CPNE9: variants seen among roughly 807,000 people sequenced by gnomAD.
CPNE9 encodes copine family member 9.
CPNE9 carries 59 observed loss-of-function variants against 83.0 expected under a neutral mutation model. The ratio of observed to expected loss-of-function variants is 0.71; its 90% CI spans 0.58 to 0.88. The LOEUF is 0.88. Among genes scored for constraint, CPNE9 ranks in the 40% least tolerant of loss-of-function variants. CPNE9 has a pLI of 0.00. For synonymous variants in CPNE9, 256 were observed against 273.4 expected, an observed-to-expected ratio of 0.94 and a Z score of 0.63; for missense variants, 619 against 720.8, an observed-to-expected ratio of 0.86 and a Z score of 1.62.
At chr3:9,726,784 C>T (rs1290485163) in intron 19 of CPNE9, 62 bp downstream of exon 19, 4 of 1,480,916 alleles carry the variant, frequency 2.7e-6, no homozygotes, top group African/African-American at 1.4e-5. Flanking sequence ...GGGAGGGGGT[C>T]GGGTACTTGG....
chr3:9,718,720 G>T, intron 17 of CPNE9, 118 bp downstream of exon 17: 2 of 1,260,334 alleles, frequency 1.6e-6, no homozygotes, highest in South Asian at 1.5e-5. Flanking sequence ...AACAGGAGAG[G>T]CCAGGCATGG....
At position 9,704,526 on chromosome 3, in the gene CPNE9, C is replaced by G; in HGVS notation, c.69-61C>G. Reference sequence around the variant, plus strand: ...CCTCTCCTCAGTGCCCGGCTCAGAGCCGACTCGAGGCGGGCGGACTCCAGG... The same window carrying G: ...CCTCTCCTCAGTGCCCGGCTCAGAGGCGACTCGAGGCGGGCGGACTCCAGG... On this transcript the variant is annotated intron_variant, in intron 1 of 20. Coordinates refer to ENST00000383832, the MANE Select transcript of CPNE9 (RefSeq NM_153635.3). The surrounding 1 kb of genome is among the most constrained non-coding windows in gnomAD (Gnocchi z 7.1). 1 of 1,436,640 alleles carries G rather than the reference C, an allele frequency of 7.0e-7. No homozygotes were observed. Among genetic ancestry groups the G allele is most frequent in the Non-Finnish European group, 9.8e-7 (1 of 1,018,150 alleles). 89.0% of individuals were successfully genotyped at this position (1,436,640 alleles called of 1,614,324 possible).
chr3:9,718,747 T>A (rs2125471293), intron 17 of CPNE9, 145 bp downstream of exon 17: 1 of 961,222 alleles, frequency 1.0e-6, no homozygotes, highest in East Asian at 2.7e-5. Context: ...ATACCTGTAA[T>A]CCCAACACTT....
intron 15 of CPNE9, 97 bp from the exon 16 acceptor site, chr3:9,717,932 T>C (rs1487898744): frequency 9.4e-7 from 1 of 1,059,186 alleles, no homozygotes; most frequent in Non-Finnish European, 1.4e-6. Context: ...AGAGGGCAGA[T>C]AAATGGATAT....
chr3:9,705,875 A>G (rs1345574399), intron 6 of CPNE9, 112 bp from the exon 7 acceptor site: 2 of 1,375,428 alleles, frequency 1.5e-6, no homozygotes, highest in South Asian at 2.5e-5. Context: ...TGGCTCTTGC[A>G]CCACTCATTC....
At position 9,713,142 on chromosome 3, in the gene CPNE9, C is replaced by T. The variant is rs1299700483; in HGVS notation, c.650+63C>T. 9 of 1,224,430 alleles carry T rather than the reference C, an allele frequency of 7.4e-6. No homozygotes were observed. In the East Asian group the frequency reaches 1.2e-4, roughly 16 times the overall value. The allele number at this position is 1,224,430 out of a possible 1,614,324, so 75.8% of individuals were successfully genotyped here. ...GACATGCCAGTGTGGTTCCTGGGCCCAAGAATGATAGTAGAAGTATCATAA... is the reference window on the plus strand; with the variant it reads ...GACATGCCAGTGTGGTTCCTGGGCCTAAGAATGATAGTAGAAGTATCATAA... On this transcript the variant is annotated intron_variant, in intron 10 of 20. Coordinates refer to ENST00000383832, the MANE Select transcript of CPNE9 (RefSeq NM_153635.3).
At chr3:9,706,366 C>T (rs1485671108) in intron 7 of CPNE9, among the ~76,000 whole-genome samples, 3 of 152,038 alleles carry the variant, frequency 2.0e-5, no homozygotes, top group East Asian at 1.9e-4. Flanking sequence ...CCCCTCTCCA[C>T]AGGGAAGCTC....
chr3:9,729,470 G>C, intron 20 of CPNE9, 37 bp from the exon 21 acceptor site: 1 of 1,580,364 alleles, frequency 6.3e-7, no homozygotes, highest in Non-Finnish European at 8.6e-7. Context: ...CTCTCTCCTG[G>C]TCATGGCTTA....
chr3:9,727,238 G>A, intron 20 of CPNE9, 52 bp downstream of exon 20: 2 of 1,596,292 alleles, frequency 1.3e-6, no homozygotes, highest in Non-Finnish European at 1.7e-6. Context: ...GTGAGAAGAG[G>A]CTAAGTTGGG....
intron 17 of CPNE9, 56 bp from the exon 18 acceptor site, chr3:9,725,893 G>A: frequency 7.6e-7 from 1 of 1,324,354 alleles, no homozygotes; most frequent in Non-Finnish European, 1.1e-6. Context: ...TGGGGGTAAG[G>A]TGTTCCCTTG....
Position 9,727,103 on chromosome 3 carries a change from T to C in CPNE9, c.1403-10T>C. ...AGGCCAATCAGCTGAGGGGTGTGTC[T>C]TTTCTGCAGCAATGGAAGAGTTGGA... is the stretch of plus-strand genomic sequence containing the variant. On this transcript the variant is annotated splice_polypyrimidine_tract_variant and intron_variant, in intron 19 of 20. Transcript: ENST00000383832. 6.2e-7 allele frequency: 1 copy of C among 1,614,088 alleles called. No individual in the cohort carries two copies. Among genetic ancestry groups the C allele is most frequent in the South Asian group, 1.1e-5 (1 of 91,072 alleles).
At chr3:9,718,395 A>G in intron 16 of CPNE9, 80 bp from the exon 17 acceptor site, 1 of 1,538,688 alleles carries the variant, frequency 6.5e-7, no homozygotes, top group Admixed American at 1.8e-5. Flanking sequence ...TGATGGAAAA[A>G]GGAAGGAGTG....
At chr3:9,719,953 T>G (rs2076719616) in intron 17 of CPNE9, among the ~76,000 whole-genome samples, 1 of 151,496 alleles carries the variant, frequency 6.6e-6, no homozygotes, top group African/African-American at 2.4e-5. Context: ...ATCACACCAC[T>G]GCACTCCAAC....
intron 7 of CPNE9, among the ~76,000 whole-genome samples, chr3:9,709,327 G>A (rs1231775582): frequency 6.7e-6 from 1 of 148,790 alleles, no homozygotes; most frequent in Admixed American, 6.6e-5. Context: ...AAAGAGATGT[G>A]GCTGAAGCAG....
At chr3:9,707,183 C>G (rs941733644) in intron 7 of CPNE9, among the ~76,000 whole-genome samples, 13 of 151,720 alleles carry the variant, frequency 8.6e-5, no homozygotes, top group Admixed American at 5.9e-4. Context: ...GAAACCCTGT[C>G]TCTACTAAAA....
rs78883514 is a variant in CPNE9, at chr3:9,705,708, G to A, written c.298-10G>A. On this transcript the variant is annotated splice_polypyrimidine_tract_variant and intron_variant, in intron 5 of 20. Coordinates refer to ENST00000383832, the MANE Select transcript of CPNE9 (RefSeq NM_153635.3). ...TCTTCCTTCTTGGCTGCCACTGCTG[G>A]GACCTGCAGAAGGTGAGGCTGAATG... The A allele has an allele frequency of 1.9e-6, 3 of 1,613,892 alleles. No homozygotes were observed. Among genetic ancestry groups the A allele is most frequent in the Non-Finnish European group, 2.5e-6 (3 of 1,179,934 alleles).
rs1250861491 is a variant in CPNE9, at chr3:9,704,132, C to G, written c.68+68C>G. ...CCCAGCCCCAGCCAGCCGCGGGGCT[C>G]AGCCTGGGCAGGGGCTAGACCCCCG... On this transcript the variant is annotated intron_variant, in intron 1 of 20. Coordinates refer to ENST00000383832, the MANE Select transcript of CPNE9 (RefSeq NM_153635.3). This position sits in a 1 kb window ranked among gnomAD's most constrained non-coding sequence, Gnocchi z 7.1. The G allele has an allele frequency of 6.2e-6, 9 of 1,461,230 alleles. No homozygotes were observed. Among genetic ancestry groups the G allele is most frequent in the Non-Finnish European group, 8.4e-6 (9 of 1,066,608 alleles). The allele number at this position is 1,461,230 out of a possible 1,614,324, so 90.5% of individuals were successfully genotyped here.
intron 19 of CPNE9, 89 bp from the exon 20 acceptor site, chr3:9,727,024 G>C: frequency 7.5e-7 from 1 of 1,340,808 alleles, no homozygotes; most frequent in Admixed American, 1.7e-5. Flanking sequence ...GCATTCTCCT[G>C]ATGACTCCAA....
At chr3:9,705,844 A>T (rs2076558736) in intron 6 of CPNE9, 124 bp downstream of exon 6, 1 of 1,346,200 alleles carries the variant, frequency 7.4e-7, no homozygotes, top group Admixed American at 1.8e-5. Context: ...CACCCCCTCC[A>T]TTAAAGCCCA....
Sources: gnomAD v4.1 joint callset for allele counts (sites outside exome capture counted in the v4.1 genomes callset) on GRCh38, gnomAD v4.1.1 for gene constraint, Gnocchi (gnomAD v3.1) non-coding constraint, MANE v1.5 for transcripts, NCBI Gene and HGNC (gene_info 2026-07-23, HGNC 2026-07-21) for gene names.